The following CADPS variants were observed in gnomAD, a reference collection of about 807,000 sequenced individuals.
CADPS encodes calcium dependent secretion activator, also known as calcium-dependent secretion activator 1.
Under a neutral mutation model 167.3 loss-of-function variants are expected in CADPS, and 57 were observed. The observed-to-expected ratio is 0.34, with a 90% CI of 0.28 to 0.42. CADPS has a LOEUF of 0.42. Ranked by LOEUF, CADPS falls within the 20% of genes least tolerant of loss-of-function variation. The probability of loss-of-function intolerance (pLI) is 1.00; values close to 1 mark genes in which losing one functional copy is unlikely to be tolerated. For synonymous variants in CADPS, 676 were observed against 635.3 expected, an observed-to-expected ratio of 1.06 and a Z score of -0.96; for missense variants, 1,414 against 1,738.1, an observed-to-expected ratio of 0.81 and a Z score of 3.32.
At chr3:62,641,806 C>A (rs1425977227) in intron 6 of CADPS, among the ~76,000 whole-genome samples, 1 of 152,106 alleles carries the variant, frequency 6.6e-6, no homozygotes, top group Non-Finnish European at 1.5e-5. Context: ...GATTGATCAA[C>A]TGAAGGATAA....
intron 28 of CADPS, among the ~76,000 whole-genome samples, chr3:62,407,668 A>G (rs2048172876): frequency 6.6e-6 from 1 of 152,196 alleles, no homozygotes; most frequent in Non-Finnish European, 1.5e-5. Context: ...TCACATAGTA[A>G]GGACTCAATA....
chr3:62,786,128 G>A (rs142762391), intron 1 of CADPS, among the ~76,000 whole-genome samples: 2 of 152,198 alleles, frequency 1.3e-5, no homozygotes, highest in African/African-American at 2.4e-5. Flanking sequence ...CACAAGAATC[G>A]CTTGAACGTG....
chr3:62,581,170 T>C lies in CADPS; in HGVS notation c.1577+4015A>G, dbSNP rs559265518. Among the ~76,000 whole-genome samples the C allele has an allele frequency of 2.6e-5, 4 of 152,272 alleles. No individual in the cohort carries two copies. In the South Asian group the frequency reaches 8.3e-4, roughly 32 times the overall value. On this transcript the variant is annotated intron_variant, in intron 8 of 29. Coordinates refer to ENST00000383710, the MANE Select transcript of CADPS (RefSeq NM_003716.4). ...GTTAGTAAAAATGGTAACTCTAATA[T>C]CTTGTAGAGCTGTTGTAAGAATTAA...
chr3:62,613,846 A>G (rs1424249386), intron 6 of CADPS, among the ~76,000 whole-genome samples: 1 of 152,160 alleles, frequency 6.6e-6, no homozygotes, highest in East Asian at 1.9e-4. Context: ...GAGGGCAGCC[A>G]TTCAATTTGC....
At chr3:62,811,569 C>G (rs1386787082) in intron 1 of CADPS, among the ~76,000 whole-genome samples, 2 of 152,188 alleles carry the variant, frequency 1.3e-5, no homozygotes, top group Non-Finnish European at 2.9e-5. Context: ...TCCCATCATT[C>G]AAAGCCCAGC....
At chr3:62,671,947 A>AT (rs908888859) in intron 3 of CADPS, among the ~76,000 whole-genome samples, 8 of 151,676 alleles carry the variant, frequency 5.3e-5, no homozygotes, top group Non-Finnish European at 7.4e-5. Context: ...ATTTATTTTA[A>AT]TTTTTTTTAT....
intron 6 of CADPS, among the ~76,000 whole-genome samples, chr3:62,612,323 G>A (rs939745814): frequency 2.4e-4 from 37 of 152,312 alleles, no homozygotes; most frequent in African/African-American, 8.7e-4. Context: ...AGCATTGGAC[G>A]CATACAAAGC....
In CADPS at chr3:62,532,870, C is replaced by G; in HGVS notation, c.2291+1G>C. 1 of 1,613,226 alleles carries G rather than the reference C, an allele frequency of 6.2e-7. No individual in the cohort carries two copies. Among genetic ancestry groups the G allele is most frequent in the Non-Finnish European group, 8.5e-7 (1 of 1,179,494 alleles). On this transcript the variant is annotated splice_donor_variant, in intron 13 of 29. Transcript: ENST00000383710. LOFTEE classifies it high-confidence loss of function. ...CTCTAGACACACGAACACACACTTACCTGTTCCCATGGACATGGGATGCAC... is the reference window on the plus strand; with the variant it reads ...CTCTAGACACACGAACACACACTTAGCTGTTCCCATGGACATGGGATGCAC...
chr3:62,728,812 G>T (rs568135660), intron 3 of CADPS, among the ~76,000 whole-genome samples: 2 of 151,662 alleles, frequency 1.3e-5, no homozygotes, highest in Non-Finnish European at 2.9e-5. Flanking sequence ...ACTTGGGGGC[G>T]GCGGAAAACT....
intron 6 of CADPS, among the ~76,000 whole-genome samples, chr3:62,600,765 G>A (rs766265991): frequency 2.6e-5 from 4 of 152,184 alleles, no homozygotes; most frequent in Admixed American, 6.5e-5. Context: ...CACTTATAAC[G>A]TGTGAGAGTG....
At chr3:62,504,242 T>C (rs993476411) in intron 17 of CADPS, among the ~76,000 whole-genome samples, 1 of 152,226 alleles carries the variant, frequency 6.6e-6, no homozygotes, top group African/African-American at 2.4e-5. Context: ...CAGTTTTAAA[T>C]GATAACCATT....
In CADPS at chr3:62,841,644, C is replaced by T. The variant is rs181376498; in HGVS notation, c.441+32945G>A. On this transcript the variant is annotated intron_variant, in intron 1 of 29. Coordinates refer to ENST00000383710, the MANE Select transcript of CADPS (RefSeq NM_003716.4). ...AGGCAGGAAGAGGTCGAGGCTGCAG[C>T]GAGCCCTGATGGCACCACTGCACTT... Among the ~76,000 whole-genome samples, 85 of 152,208 alleles carry T rather than the reference C, an allele frequency of 5.6e-4. No homozygotes were observed. The East Asian group carries it at 0.012, about 22-fold the overall frequency.
intron 28 of CADPS, among the ~76,000 whole-genome samples, chr3:62,429,758 G>A (rs2053556571): frequency 6.6e-6 from 1 of 152,062 alleles, no homozygotes; most frequent in Non-Finnish European, 1.5e-5. Context: ...TGTGGGTCAT[G>A]TTAACAAGAA....
chr3:62,451,150 C>T (rs2150075535), intron 26 of CADPS, among the ~76,000 whole-genome samples: 1 of 152,114 alleles, frequency 6.6e-6, no homozygotes, highest in Admixed American at 6.5e-5. Flanking sequence ...TTGAATGTCC[C>T]AGCTAATTAC....
chr3:62,536,493 T>C lies in CADPS; in HGVS notation c.2055A>G (p.Val685=), dbSNP rs1355106292. Residue 685 remains valine (V), a synonymous_variant, in exon 12 of 30, where the codon GTA becomes GTG. Coordinates refer to ENST00000383710, the MANE Select transcript of CADPS (RefSeq NM_003716.4). ...GTCTGTGATCCAAAGTAAGGCGTTGTACCATCTCAAAGAGGGAAGCGTGGT... is the reference window on the plus strand; with the variant it reads ...GTCTGTGATCCAAAGTAAGGCGTTGCACCATCTCAAAGAGGGAAGCGTGGT... ...NFDHASLFEM[V]QRLTLDHRLN... 1.9e-6 allele frequency: 3 copies of C among 1,613,460 alleles called. No individual in the cohort carries two copies. In the Admixed American group the frequency reaches 5.0e-5, roughly 27 times the overall value.
At chr3:62,484,939 GTGTT>G (rs1201190444) in intron 21 of CADPS, among the ~76,000 whole-genome samples, 1 of 152,144 alleles carries the variant, frequency 6.6e-6, no homozygotes, top group Non-Finnish European at 1.5e-5. Flanking sequence ...GCCTCTGTCA[GTGTT>G]TGTTCTTAGG....
intron 9 of CADPS, among the ~76,000 whole-genome samples, chr3:62,568,140 C>T (rs1236604835): frequency 6.6e-6 from 1 of 152,128 alleles, no homozygotes; most frequent in African/African-American, 2.4e-5. Context: ...GGAAAGTGGT[C>T]AGAGCCAGTC....
intron 1 of CADPS, among the ~76,000 whole-genome samples, chr3:62,852,704 C>T (rs895357309): frequency 1.3e-5 from 2 of 152,114 alleles, no homozygotes; most frequent in Non-Finnish European, 2.9e-5. Flanking sequence ...CCATAATTTC[C>T]ACTTCTGAAA....
At chr3:62,683,961 T>C (rs1580362557) in intron 3 of CADPS, among the ~76,000 whole-genome samples, 1 of 152,044 alleles carries the variant, frequency 6.6e-6, no homozygotes, top group East Asian at 1.9e-4. Context: ...ATAGCAAACC[T>C]GATCACCTGG....
Sources: gnomAD v4.1 joint callset for allele counts (sites outside exome capture counted in the v4.1 genomes callset) on GRCh38, gnomAD v4.1.1 for gene constraint, MANE v1.5 for transcripts, NCBI Gene and HGNC (gene_info 2026-07-23, HGNC 2026-07-21) for gene names.